Variants in KCNQ1 observed in about 807,000 individuals in gnomAD.
KCNQ1 encodes the protein potassium voltage-gated channel subfamily Q member 1, also known as potassium voltage-gated channel subfamily KQT member 1.
KCNQ1 carries 49 observed loss-of-function variants against 72.4 expected under a neutral mutation model. That is an observed-to-expected ratio of 0.68 (90% CI 0.54 to 0.86). The LOEUF (loss-of-function observed/expected upper bound fraction) is 0.86, where lower values mean the gene tolerates loss of function less well. KCNQ1 is among the 40% of genes least tolerant of loss of function. The probability of loss-of-function intolerance (pLI) is 0.00; values close to 1 mark genes in which losing one functional copy is unlikely to be tolerated. For missense variants in KCNQ1, 790 were observed against 945.1 expected (o/e 0.84, Z 2.15); for synonymous variants, 450 against 412.6 (o/e 1.09, Z -1.10).
intron 15 of KCNQ1, among the ~76,000 whole-genome samples, chr11:2,814,305 A>G (rs897885943): frequency 7.1e-5 from 10 of 140,870 alleles, no homozygotes; most frequent in East Asian, 2.4e-4. Context: ...ATGGATGGAT[A>G]GATGGATGGA....
At position 2,678,145 on chromosome 11, in the gene KCNQ1, G is replaced by A. The variant is rs1320408017; in HGVS notation, c.1514+16064G>A. 2 of 397,912 alleles carry A rather than the reference G, an allele frequency of 5.0e-6. No homozygotes were observed. Among genetic ancestry groups the A allele is most frequent in the African/African-American group, 2.1e-5 (1 of 48,498 alleles). 24.6% of individuals were successfully genotyped at this position (397,912 alleles called of 1,614,324 possible). On this transcript the variant is annotated intron_variant, in intron 11 of 15. Transcript: ENST00000155840. This position sits in a 1 kb window ranked among gnomAD's most constrained non-coding sequence, Gnocchi z 4.9. Reference sequence around the variant, plus strand: ...AAATATTTTATCCTCATTTTCCTTAGGTGTTTTGGCTTTTTCTATAATATT... The same window carrying A: ...AAATATTTTATCCTCATTTTCCTTAAGTGTTTTGGCTTTTTCTATAATATT...
chr11:2,848,855 CAG>C lies in KCNQ1; in HGVS notation c.*853_*854del, dbSNP rs1848398643. 1 of 454,066 alleles carries C rather than the reference CAG, an allele frequency of 2.2e-6. No individual in the cohort carries two copies. The highest frequency in any genetic ancestry group is 2.3e-5 in the Admixed American group (1 of 42,560). 28.1% of individuals were successfully genotyped at this position (454,066 alleles called of 1,614,324 possible). Reference sequence around the variant, plus strand: ...GAGAAGTGACGGTTCCTACACAGGACAGGGGTTCCTTCTGGGCATTACATCGC... The same window carrying C: ...GAGAAGTGACGGTTCCTACACAGGACGGGTTCCTTCTGGGCATTACATCGC... On this transcript the variant is annotated 3_prime_UTR_variant, in exon 16 of 16. Coordinates refer to ENST00000155840, the MANE Select transcript of KCNQ1 (RefSeq NM_000218.3).
At chr11:2,578,715 G>T (rs746781748) in intron 6 of KCNQ1, among the ~76,000 whole-genome samples, 44 of 152,252 alleles carry the variant, frequency 2.9e-4, no homozygotes, top group Non-Finnish European at 5.3e-4. Context: ...GAGCTTGGGT[G>T]CTGCGCTCTC....
In KCNQ1 at chr11:2,538,710, T is replaced by C. The variant is rs1847775479; in HGVS notation, c.477+10692T>C. On this transcript the variant is annotated intron_variant, in intron 2 of 15. Transcript: ENST00000155840. This position sits in a 1 kb window ranked among gnomAD's most constrained non-coding sequence, Gnocchi z 6.7. ...GGAGGGGCCCTACGGTGAATCGTTT[T>C]CTGTAACAAAGGCTTCCTCTGTGCA... Among the ~76,000 whole-genome samples the C allele has an allele frequency of 6.6e-6, 1 of 151,590 alleles. No individual in the cohort carries two copies. Among genetic ancestry groups the C allele is most frequent in the Admixed American group, 6.6e-5 (1 of 15,216 alleles).
intron 11 of KCNQ1, among the ~76,000 whole-genome samples, chr11:2,717,045 G>C (rs903299735): frequency 6.6e-6 from 1 of 152,220 alleles, no homozygotes; most frequent in Admixed American, 6.5e-5. Context: ...CAGCCCCCCA[G>C]ATGTCCTGCC....
At chr11:2,459,685 C>T (rs537549929) in intron 1 of KCNQ1, among the ~76,000 whole-genome samples, 1 of 152,070 alleles carries the variant, frequency 6.6e-6, no homozygotes, top group Non-Finnish European at 1.5e-5. Context: ...GTCCCTCCCC[C>T]CAGACCACCC....
chr11:2,479,317 C>A lies in KCNQ1; in HGVS notation c.386+33833C>A, dbSNP rs1278969883. Reference sequence around the variant, plus strand: ...ACCCCACTTTTCCCTTCCTCACTGCCCTAGCAGAGGTTCTCCATGAGGACC... The same window carrying A: ...ACCCCACTTTTCCCTTCCTCACTGCACTAGCAGAGGTTCTCCATGAGGACC... On this transcript the variant is annotated intron_variant, in intron 1 of 15. Transcript: ENST00000155840. This position sits in a 1 kb window ranked among gnomAD's most constrained non-coding sequence, Gnocchi z 4.6. Among the ~76,000 whole-genome samples the A allele has an allele frequency of 3.9e-5, 6 of 152,234 alleles. No homozygotes were observed. In the East Asian group the frequency reaches 1.2e-3, roughly 29 times the overall value.
Position 2,663,502 on chromosome 11 carries a change from G to A in KCNQ1, c.1514+1421G>A, listed in dbSNP as rs1850006843. ...TGTTGTGTGCAATACAGGTGGCAGTGCCTGTATTGCCTCTTGGCTGTCCCC... is the reference window on the plus strand; with the variant it reads ...TGTTGTGTGCAATACAGGTGGCAGTACCTGTATTGCCTCTTGGCTGTCCCC... On this transcript the variant is annotated intron_variant, in intron 11 of 15. Transcript: ENST00000155840. The surrounding 1 kb of genome is among the most constrained non-coding windows in gnomAD (Gnocchi z 5.2). 1.5e-5 allele frequency: 6 copies of A among 398,682 alleles called. No individual in the cohort carries two copies. The highest frequency in any genetic ancestry group is 2.7e-5 in the Non-Finnish European group (6 of 226,084). The allele number at this position is 398,682 out of a possible 1,614,324, so 24.7% of individuals were successfully genotyped here.
At chr11:2,452,936 C>G (rs937690360) in intron 1 of KCNQ1, among the ~76,000 whole-genome samples, 2 of 152,116 alleles carry the variant, frequency 1.3e-5, no homozygotes. Context: ...CATCACACAC[C>G]AGGATAGACT....
chr11:2,580,123 G>A (rs1039976849), intron 6 of KCNQ1, among the ~76,000 whole-genome samples: 3 of 152,200 alleles, frequency 2.0e-5, no homozygotes, highest in Admixed American at 1.3e-4. Flanking sequence ...CTTGATGCCT[G>A]GGTTTGCTGG....
chr11:2,653,938 G>A lies in KCNQ1; in HGVS notation c.1394-8023G>A. 1 of 398,688 alleles carries A rather than the reference G, an allele frequency of 2.5e-6. No individual in the cohort carries two copies. The highest frequency in any genetic ancestry group is 4.4e-6 in the Non-Finnish European group (1 of 226,114). 24.7% of individuals were successfully genotyped at this position (398,688 alleles called of 1,614,324 possible). On this transcript the variant is annotated intron_variant, in intron 10 of 15. Coordinates refer to ENST00000155840, the MANE Select transcript of KCNQ1 (RefSeq NM_000218.3). The surrounding 1 kb of genome is among the most constrained non-coding windows in gnomAD (Gnocchi z 5.3). ...TCCCAGAAGCCAGGCCTGGCTGCTG[G>A]CAGGCAAAAACAACAGGTGTCCACT... is the stretch of plus-strand genomic sequence containing the variant.
chr11:2,762,718 G>A lies in KCNQ1; in HGVS notation c.1515-6126G>A, dbSNP rs1377829577. 6.6e-6 allele frequency among the ~76,000 whole-genome samples: 1 copy of A among 152,256 alleles called. No homozygotes were observed. The highest frequency in any genetic ancestry group is 2.4e-5 in the African/African-American group (1 of 41,474). On this transcript the variant is annotated intron_variant, in intron 11 of 15. Coordinates refer to ENST00000155840, the MANE Select transcript of KCNQ1 (RefSeq NM_000218.3). This position sits in a 1 kb window ranked among gnomAD's most constrained non-coding sequence, Gnocchi z 4.3. ...CGCGAACCCTGTTGTGAATGCACAT[G>A]TGAGGGGTCTAGGCTGTGTACTCCT...
intron 4 of KCNQ1, 126 bp downstream of exon 4, chr11:2,571,529 C>T (rs557330642): frequency 1.5e-5 from 12 of 780,786 alleles, no homozygotes; most frequent in East Asian, 7.9e-5. Context: ...CCACTGCCCC[C>T]GGGGGCACTG....
intron 2 of KCNQ1, among the ~76,000 whole-genome samples, chr11:2,532,822 T>C (rs1024605889): frequency 1.3e-5 from 2 of 152,130 alleles, no homozygotes; most frequent in African/African-American, 4.8e-5. Flanking sequence ...TGAGGACGGC[T>C]GTTGGGTTCT....
At chr11:2,685,712 G>A in intron 11 of KCNQ1, 1 of 398,694 alleles carries the variant, frequency 2.5e-6, no homozygotes. Context: ...GGGACCCCAG[G>A]GAGGGTGCTC....
rs1329240150 is a variant in KCNQ1 at position 2,463,447 on chromosome 11, C to G, written c.386+17963C>G. ...CAAGTGGTGGAATGTTCTGGTTGTC[C>G]TTGGTGCAGGTGGCGGGCGGGGCTG... On this transcript the variant is annotated intron_variant, in intron 1 of 15. Coordinates refer to ENST00000155840, the MANE Select transcript of KCNQ1 (RefSeq NM_000218.3). This position sits in a 1 kb window ranked among gnomAD's most constrained non-coding sequence, Gnocchi z 7.0. 6.6e-6 allele frequency among the ~76,000 whole-genome samples: 1 copy of G among 152,136 alleles called. No homozygotes were observed. The highest frequency in any genetic ancestry group is 2.4e-5 in the African/African-American group (1 of 41,430).
Position 2,682,862 on chromosome 11 carries a change from G to C in KCNQ1, c.1514+20781G>C. 1 of 398,606 alleles carries C rather than the reference G, an allele frequency of 2.5e-6. No homozygotes were observed. The highest frequency in any genetic ancestry group is 3.6e-5 in the East Asian group (1 of 28,074). The allele number at this position is 398,606 out of a possible 1,614,324, so 24.7% of individuals were successfully genotyped here. The stretch of plus-strand genomic sequence containing the variant: ...AGACCATCTCAGTTTTGTAGACCAG[G>C]AAACTGAGGCTTGGGGATAGCAGAT... On this transcript the variant is annotated intron_variant, in intron 11 of 15. Coordinates refer to ENST00000155840, the MANE Select transcript of KCNQ1 (RefSeq NM_000218.3). The surrounding 1 kb of genome is among the most constrained non-coding windows in gnomAD (Gnocchi z 5.8).
intron 11 of KCNQ1, among the ~76,000 whole-genome samples, chr11:2,716,889 A>G (rs1423528553): frequency 6.6e-6 from 1 of 152,240 alleles, no homozygotes; most frequent in Non-Finnish European, 1.5e-5. Context: ...GGTGACTGGC[A>G]GACATCACTC....
At chr11:2,776,307 A>T (rs2133989854) in intron 13 of KCNQ1, among the ~76,000 whole-genome samples, 3 of 152,158 alleles carry the variant, frequency 2.0e-5, no homozygotes, top group East Asian at 3.9e-4. Context: ...GAATTGGGGT[A>T]GGGGAGGCGC....
Sources: gnomAD v4.1 joint callset for allele counts (sites outside exome capture counted in the v4.1 genomes callset) on GRCh38, gnomAD v4.1.1 for gene constraint, Gnocchi (gnomAD v3.1) non-coding constraint, MANE v1.5 for transcripts, NCBI Gene and HGNC (gene_info 2026-07-23, HGNC 2026-07-21) for gene names.